DNM3: variants seen among roughly 807,000 people sequenced by gnomAD.
DNM3 encodes dynamin 3, also known as dynamin-3.
DNM3 carries 47 observed loss-of-function variants against 101.6 expected under a neutral mutation model. The ratio of observed to expected loss-of-function variants is 0.46; its 90% CI spans 0.37 to 0.59. The LOEUF is 0.59. Among genes scored for constraint, DNM3 ranks in the 20% least tolerant of loss-of-function variants. The probability of loss-of-function intolerance (pLI) is 0.00; values close to 1 mark genes in which losing one functional copy is unlikely to be tolerated. For missense variants in DNM3, 849 were observed against 1,085.7 expected (o/e 0.78, Z 3.06); for synonymous variants, 385 against 387.9 (o/e 0.99, Z 0.09).
chr1:172,210,487 C>G (rs1421789340), intron 14 of DNM3, among the ~76,000 whole-genome samples: 3 of 151,684 alleles, frequency 2.0e-5, no homozygotes, highest in African/African-American at 7.3e-5. Context: ...TTTCTAACAC[C>G]AGGAGCTGTA....
intron 2 of DNM3, among the ~76,000 whole-genome samples, chr1:171,923,307 A>G (rs990651769): frequency 2.0e-5 from 3 of 152,162 alleles, no homozygotes; most frequent in African/African-American, 7.2e-5. Context: ...TCATTTGTAT[A>G]TATTATTTAG....
At chr1:171,895,559 T>C (rs2037709289) in intron 1 of DNM3, among the ~76,000 whole-genome samples, 1 of 152,260 alleles carries the variant, frequency 6.6e-6, no homozygotes, top group Admixed American at 6.5e-5. Context: ...GATGGGTAGA[T>C]TGCAAAATTT....
In DNM3 at chr1:172,038,936, G is replaced by GTT. The variant is rs752622029; in HGVS notation, c.992+485_992+486dup. On this transcript the variant is annotated intron_variant, in intron 7 of 20. Transcript: ENST00000627582. Reference sequence around the variant, plus strand: ...TAAAAGTTCTAACAATAAGGCTGTAGTTTTTTTTTTTCCTTTTACATAATG... The same window carrying GTT: ...TAAAAGTTCTAACAATAAGGCTGTAGTTTTTTTTTTTTTCCTTTTACATAATG... 4.1e-3 allele frequency among the ~76,000 whole-genome samples: 606 copies of GTT among 148,740 alleles called. 4 individuals are homozygous for GTT. Among genetic ancestry groups the GTT allele is most frequent in the Middle Eastern group, 0.014 (4 of 286 alleles).
intron 10 of DNM3, among the ~76,000 whole-genome samples, chr1:172,061,253 C>G (rs1227862918): frequency 1.4e-5 from 2 of 147,966 alleles, no homozygotes; most frequent in African/African-American, 5.1e-5. Flanking sequence ...GTTGGTGGGA[C>G]TGTAAACTAG....
At chr1:172,285,499 A>T (rs2063663599) in intron 15 of DNM3, among the ~76,000 whole-genome samples, 1 of 152,160 alleles carries the variant, frequency 6.6e-6, no homozygotes, top group Admixed American at 6.6e-5. Context: ...GCCCAAGCAC[A>T]TCTTAGGCAA....
chr1:172,166,619 G>A (rs559706760), intron 14 of DNM3, among the ~76,000 whole-genome samples: 97 of 152,136 alleles, frequency 6.4e-4, no homozygotes, highest in African/African-American at 2.2e-3. Context: ...AGTATCTAGC[G>A]CAAGCAAGGT....
chr1:171,861,293 A>G (rs1408830784), intron 1 of DNM3, among the ~76,000 whole-genome samples: 1 of 152,134 alleles, frequency 6.6e-6, no homozygotes, highest in East Asian at 1.9e-4. Context: ...AATGGCCAAA[A>G]CAATGTTGAA....
At chr1:172,137,667 G>A (rs2057317001) in intron 14 of DNM3, 3 of 152,128 alleles carry the variant, frequency 2.0e-5, no homozygotes, top group Admixed American at 1.3e-4. Context: ...AAAGTTTTGA[G>A]TAGCCTTGTG....
Position 172,132,963 on chromosome 1 carries a change from C to A in DNM3, c.1659+1675C>A. 1.9e-6 allele frequency: 3 copies of A among 1,539,366 alleles called. No homozygotes were observed. The South Asian group carries it at 3.6e-5, about 19-fold the overall frequency. On this transcript the variant is annotated intron_variant, in intron 14 of 20. Transcript: ENST00000627582. Reference sequence around the variant, plus strand: ...GTTGGTGGCAAAGCAGAAATTTGAACCCAGGCTGTTGAGCTCCAGAGCCTA... The same window carrying A: ...GTTGGTGGCAAAGCAGAAATTTGAAACCAGGCTGTTGAGCTCCAGAGCCTA...
At chr1:172,305,159 G>C (rs886766077) in intron 15 of DNM3, among the ~76,000 whole-genome samples, 2 of 152,054 alleles carry the variant, frequency 1.3e-5, no homozygotes, top group Non-Finnish European at 1.5e-5. Flanking sequence ...GAAGAAAAGA[G>C]AGAAGAATCA....
At chr1:172,111,666 C>G (rs1050073729) in intron 13 of DNM3, among the ~76,000 whole-genome samples, 1 of 152,142 alleles carries the variant, frequency 6.6e-6, no homozygotes, top group Non-Finnish European at 1.5e-5. Context: ...AATGGGAGCA[C>G]AGCAAACACA....
chr1:172,204,647 C>T (rs568455942), intron 14 of DNM3, among the ~76,000 whole-genome samples: 2 of 152,254 alleles, frequency 1.3e-5, no homozygotes, highest in East Asian at 3.9e-4. Flanking sequence ...TCCTCAGAGT[C>T]CCTGTGGGTG....
At chr1:172,222,788 T>C (rs1009802463) in intron 14 of DNM3, among the ~76,000 whole-genome samples, 1 of 152,080 alleles carries the variant, frequency 6.6e-6, no homozygotes, top group Non-Finnish European at 1.5e-5. Flanking sequence ...TTCAAACATA[T>C]GATGAAGGGA....
chr1:172,288,101 T>G (rs1423836895), intron 15 of DNM3, among the ~76,000 whole-genome samples: 1 of 152,106 alleles, frequency 6.6e-6, no homozygotes, highest in African/African-American at 2.4e-5. Context: ...TGTGCTTAGG[T>G]TCTAAGAGGA....
intron 4 of DNM3, among the ~76,000 whole-genome samples, chr1:172,030,761 C>T (rs1329682675): frequency 6.6e-6 from 1 of 152,142 alleles, no homozygotes; most frequent in Non-Finnish European, 1.5e-5. Flanking sequence ...AGACACTTCT[C>T]GAATGAAGAC....
At chr1:172,106,433 A>G (rs1158927113) in intron 13 of DNM3, among the ~76,000 whole-genome samples, 2 of 152,016 alleles carry the variant, frequency 1.3e-5, no homozygotes, top group African/African-American at 4.8e-5. Flanking sequence ...AGAGAAAGAG[A>G]GAAAGAAAGA....
rs1471869360 is a variant in DNM3, at chr1:172,412,273, A to G, written c.*4432A>G. 55 of 985,238 alleles carry G rather than the reference A, an allele frequency of 5.6e-5. No homozygotes were observed. Among genetic ancestry groups the G allele is most frequent in the Non-Finnish European group, 6.3e-5 (52 of 829,830 alleles). The allele number at this position is 985,238 out of a possible 1,614,324, so 61.0% of individuals were successfully genotyped here. ...CTTCGCTCATTATGAAATGTTTTAA[A>G]ATTATGACAAAAATTACTCTGTCTA... On this transcript the variant is annotated 3_prime_UTR_variant, in exon 21 of 21. Transcript: ENST00000627582.
At chr1:172,015,441 C>T (rs548562942) in intron 4 of DNM3, among the ~76,000 whole-genome samples, 1 of 152,120 alleles carries the variant, frequency 6.6e-6, no homozygotes, top group Non-Finnish European at 1.5e-5. Context: ...TCTTTAATAT[C>T]TTTCATCAGA....
intron 14 of DNM3, among the ~76,000 whole-genome samples, chr1:172,224,567 A>G (rs1204415358): frequency 6.6e-6 from 1 of 152,128 alleles, no homozygotes; most frequent in African/African-American, 2.4e-5. Flanking sequence ...CATGTTAGCA[A>G]CCGAGACCTC....
Sources: allele counts gnomAD v4.1 joint callset (sites outside exome capture counted in the v4.1 genomes callset), GRCh38; gene constraint gnomAD v4.1.1; transcripts MANE v1.5; gene names NCBI Gene and HGNC (gene_info 2026-07-23, HGNC 2026-07-21).